The following OR5M1 variants were observed in gnomAD, a reference collection of about 807,000 sequenced individuals.
OR5M1 encodes olfactory receptor family 5 subfamily M member 1.
For synonymous variants in OR5M1, 165 were observed against 144.2 expected (o/e 1.14, Z -1.04); for missense variants, 367 against 379.5 (o/e 0.97, Z 0.27).
chr11:56,614,241 A>C (rs1272936382), intron 1 of OR5M1, among the ~76,000 whole-genome samples: 1 of 152,182 alleles, frequency 6.6e-6, no homozygotes, highest in Non-Finnish European at 1.5e-5. Flanking sequence ...CAGGGAGCAC[A>C]CATTATAATA....
Position 56,612,501 on chromosome 11 carries a change from C to CT in OR5M1, c.*53_*54insA. On this transcript the variant is annotated 3_prime_UTR_variant, in exon 2 of 2. Transcript: ENST00000641076. ...ACGACTACACTAGGTTTTTCCATTTCAAAAGCCAGTTTGTTACTCCACAAG... is the reference window on the plus strand; with the variant it reads ...ACGACTACACTAGGTTTTTCCATTTCTAAAAGCCAGTTTGTTACTCCACAAG... 1 of 1,395,116 alleles carries CT rather than the reference C, an allele frequency of 7.2e-7. No homozygotes were observed. Among genetic ancestry groups the CT allele is most frequent in the South Asian group, 1.4e-5 (1 of 70,304 alleles). 86.4% of individuals were successfully genotyped at this position (1,395,116 alleles called of 1,614,324 possible).
Position 56,612,667 on chromosome 11 carries a change from G to T in OR5M1, c.836C>A (p.Thr279Asn), listed in dbSNP as rs757731130. 2 of 1,613,654 alleles carry T rather than the reference G, an allele frequency of 1.2e-6. No homozygotes were observed. Among genetic ancestry groups the T allele is most frequent in the East Asian group, 2.2e-5 (1 of 44,880 alleles). Reference sequence around the variant, plus strand: ...TGGGTTCAGCATTGGGCTCAAAAAAGTATAAAAGACTGCAGTTATTTTGGA... The same window carrying T: ...TGGGTTCAGCATTGGGCTCAAAAAATTATAAAAGACTGCAGTTATTTTGGA... ...EESKITAVFY[T>N]FLSPMLNPLI... The change falls in exon 2 of 2, where the codon ACT becomes AAT. Residue 279 changes from threonine (T) to asparagine (N), a missense_variant. Transcript: ENST00000641076.
In OR5M1 at chr11:56,611,091, G is replaced by A. The variant is rs1051717328; in HGVS notation, c.*1464C>T. On this transcript the variant is annotated 3_prime_UTR_variant, in exon 2 of 2. Transcript: ENST00000641076. Reference sequence around the variant, plus strand: ...TAAAATAAAGAAATACCCCACCGATGAAATGATGCTGGCCCTCAAAAAGGA... The same window carrying A: ...TAAAATAAAGAAATACCCCACCGATAAAATGATGCTGGCCCTCAAAAAGGA... 1 of 151,848 alleles carries A rather than the reference G, an allele frequency of 6.6e-6. No homozygotes were observed. The highest frequency in any genetic ancestry group is 2.4e-5 in the African/African-American group (1 of 41,392). The allele number at this position is 151,848 out of a possible 1,614,324, so 9.4% of individuals were successfully genotyped here.
At chr11:56,613,814 G>C (rs1271033291) in intron 1 of OR5M1, among the ~76,000 whole-genome samples, 1 of 151,716 alleles carries the variant, frequency 6.6e-6, no homozygotes, top group Non-Finnish European at 1.5e-5. Context: ...CTGTCTTCTT[G>C]GTGTACTCCA....
Position 56,611,103 on chromosome 11 carries a change from G to C in OR5M1, c.*1452C>G, listed in dbSNP as rs1202797317. On this transcript the variant is annotated 3_prime_UTR_variant, in exon 2 of 2. Coordinates refer to ENST00000641076, the MANE Select transcript of OR5M1 (RefSeq NM_001004740.2). ...ATACCCCACCGATGAAATGATGCTG[G>C]CCCTCAAAAAGGAAGTGAGGACTCT... 1 of 150,888 alleles carries C rather than the reference G, an allele frequency of 6.6e-6. No homozygotes were observed. The highest frequency in any genetic ancestry group is 6.6e-5 in the Admixed American group (1 of 15,096). 9.3% of individuals were successfully genotyped at this position (150,888 alleles called of 1,614,324 possible). A position where few individuals can be genotyped will look rare whatever the true frequency, so the allele number is the denominator to read the frequency against.
intron 1 of OR5M1, among the ~76,000 whole-genome samples, chr11:56,613,969 T>C (rs1369349441): frequency 1.3e-5 from 2 of 152,214 alleles, no homozygotes; most frequent in African/African-American, 4.8e-5. Flanking sequence ...GCTCTGATAT[T>C]GTATTGTTTC....
chr11:56,611,268 G>A lies in OR5M1; in HGVS notation c.*1287C>T, dbSNP rs1207895012. 1.3e-5 allele frequency: 2 copies of A among 152,084 alleles called. No individual in the cohort carries two copies. The highest frequency in any genetic ancestry group is 4.8e-5 in the African/African-American group (2 of 41,420). The allele number at this position is 152,084 out of a possible 1,614,324, so 9.4% of individuals were successfully genotyped here. A position where few individuals can be genotyped will look rare whatever the true frequency, so the allele number is the denominator to read the frequency against. On this transcript the variant is annotated 3_prime_UTR_variant, in exon 2 of 2. Coordinates refer to ENST00000641076, the MANE Select transcript of OR5M1 (RefSeq NM_001004740.2). ...ATGTAATTGTTAAATTCTTGTCACC[G>A]AAATTTGCCTTCCTTCTTTTTCAGA...
rs948999528 is a variant in OR5M1 at position 56,611,524 on chromosome 11, G to T, written c.*1031C>A. 2.0e-5 allele frequency: 3 copies of T among 152,022 alleles called. No homozygotes were observed. The highest frequency in any genetic ancestry group is 7.2e-5 in the African/African-American group (3 of 41,380). 9.4% of individuals were successfully genotyped at this position (152,022 alleles called of 1,614,324 possible). A position where few individuals can be genotyped will look rare whatever the true frequency, so the allele number is the denominator to read the frequency against. On this transcript the variant is annotated 3_prime_UTR_variant, in exon 2 of 2. Coordinates refer to ENST00000641076, the MANE Select transcript of OR5M1 (RefSeq NM_001004740.2). Reference sequence around the variant, plus strand: ...AATATTAAAATGCCAAACATATGAGGCAATTTATTAGGGCTAAATACATAT... The same window carrying T: ...AATATTAAAATGCCAAACATATGAGTCAATTTATTAGGGCTAAATACATAT...
At position 56,610,352 on chromosome 11, in the gene OR5M1, A is replaced by C. The variant is rs894342923; in HGVS notation, c.*2203T>G. On this transcript the variant is annotated 3_prime_UTR_variant, in exon 2 of 2. Transcript: ENST00000641076. Reference sequence around the variant, plus strand: ...GAAATTCTCATTAGCTATTCTTAGGATACATATAACTATCACATAATAACC... The same window carrying C: ...GAAATTCTCATTAGCTATTCTTAGGCTACATATAACTATCACATAATAACC... 1 of 152,078 alleles carries C rather than the reference A, an allele frequency of 6.6e-6. No individual in the cohort carries two copies. The highest frequency in any genetic ancestry group is 1.5e-5 in the Non-Finnish European group (1 of 67,958). The allele number at this position is 152,078 out of a possible 1,614,324, so 9.4% of individuals were successfully genotyped here. A position where few individuals can be genotyped will look rare whatever the true frequency, so the allele number is the denominator to read the frequency against.
rs1437563379 is a variant in OR5M1 at position 56,611,748 on chromosome 11, C to T, written c.*807G>A. 4.6e-5 allele frequency: 7 copies of T among 152,030 alleles called. No homozygotes were observed. Among genetic ancestry groups the T allele is most frequent in the Non-Finnish European group, 8.8e-5 (6 of 68,014 alleles). 9.4% of individuals were successfully genotyped at this position (152,030 alleles called of 1,614,324 possible). A position where few individuals can be genotyped will look rare whatever the true frequency, so the allele number is the denominator to read the frequency against. ...TTCCTCCAGAAACATATATACACCC[C>T]TATTTATTTGTATACTGTTTCAAGA... On this transcript the variant is annotated 3_prime_UTR_variant, in exon 2 of 2. Transcript: ENST00000641076.
intron 1 of OR5M1, among the ~76,000 whole-genome samples, chr11:56,613,769 T>C (rs1405085597): frequency 6.6e-6 from 1 of 152,212 alleles, no homozygotes; most frequent in Non-Finnish European, 1.5e-5. Flanking sequence ...CATACATGTA[T>C]ACATACATAA....
In OR5M1 at chr11:56,609,254, G is replaced by A. The variant is rs942842980; in HGVS notation, c.*3301C>T. On this transcript the variant is annotated 3_prime_UTR_variant, in exon 2 of 2. Coordinates refer to ENST00000641076, the MANE Select transcript of OR5M1 (RefSeq NM_001004740.2). Reference sequence around the variant, plus strand: ...GCTTGTTTTTTCAATTTTAGGATGAGGAAAACTTACATAACAGCAATAAGC... The same window carrying A: ...GCTTGTTTTTTCAATTTTAGGATGAAGAAAACTTACATAACAGCAATAAGC... 3.7e-4 allele frequency: 56 copies of A among 151,814 alleles called. No homozygotes were observed. The highest frequency in any genetic ancestry group is 1.3e-3 in the African/African-American group (55 of 41,410). The allele number at this position is 151,814 out of a possible 1,614,324, so 9.4% of individuals were successfully genotyped here.
At position 56,612,467 on chromosome 11, in the gene OR5M1, A is replaced by T; in HGVS notation, c.*88T>A. 2.1e-6 allele frequency: 2 copies of T among 934,680 alleles called. No individual in the cohort carries two copies. The highest frequency in any genetic ancestry group is 3.3e-6 in the Non-Finnish European group (2 of 613,786). 57.9% of individuals were successfully genotyped at this position (934,680 alleles called of 1,614,324 possible). A position where few individuals can be genotyped will look rare whatever the true frequency, so the allele number is the denominator to read the frequency against. On this transcript the variant is annotated 3_prime_UTR_variant, in exon 2 of 2. Coordinates refer to ENST00000641076, the MANE Select transcript of OR5M1 (RefSeq NM_001004740.2). ...GTGGTTACTGACAGTCCATGATGTT[A>T]AATAAATCACGACTACACTAGGTTT...
chr11:56,610,829 A>G lies in OR5M1; in HGVS notation c.*1726T>C, dbSNP rs1853666901. On this transcript the variant is annotated 3_prime_UTR_variant, in exon 2 of 2. Transcript: ENST00000641076. ...ATTTTATTAAAAATCAATTAGAAAC[A>G]GGTCAGTCATTTTGACTAAAAGGAT... The G allele has an allele frequency of 6.6e-6, 1 of 152,176 alleles. No homozygotes were observed. Among genetic ancestry groups the G allele is most frequent in the Non-Finnish European group, 1.5e-5 (1 of 68,028 alleles). The allele number at this position is 152,176 out of a possible 1,614,324, so 9.4% of individuals were successfully genotyped here. A position where few individuals can be genotyped will look rare whatever the true frequency, so the allele number is the denominator to read the frequency against.
At chr11:56,613,557 T>C (rs774037697) in intron 1 of OR5M1, 38 bp from the exon 2 acceptor site, 7 of 1,517,492 alleles carry the variant, frequency 4.6e-6, no homozygotes, top group East Asian at 4.5e-5. Context: ...TCTCTCTGAT[T>C]CAGATTTGGC....
In OR5M1 at chr11:56,612,354, C is replaced by T. The variant is rs1853689123; in HGVS notation, c.*201G>A. 5.4e-6 allele frequency: 2 copies of T among 370,178 alleles called. No individual in the cohort carries two copies. Among genetic ancestry groups the T allele is most frequent in the Non-Finnish European group, 9.6e-6 (2 of 207,330 alleles). 22.9% of individuals were successfully genotyped at this position (370,178 alleles called of 1,614,324 possible). A position where few individuals can be genotyped will look rare whatever the true frequency, so the allele number is the denominator to read the frequency against. ...AAATTTATTTTCATAGAATTTCTGA[C>T]AAATAAAACATTTTAAATTTCTCAA... On this transcript the variant is annotated 3_prime_UTR_variant, in exon 2 of 2. Coordinates refer to ENST00000641076, the MANE Select transcript of OR5M1 (RefSeq NM_001004740.2).
chr11:56,613,132 A>G lies in OR5M1; in HGVS notation c.371T>C (p.Val124Ala), dbSNP rs186151755. The change falls in exon 2 of 2, where the codon GTA becomes GCA. Residue 124 changes from valine to alanine, a missense_variant. Val to Ala is a moderately conservative substitution (Grantham distance 64). Coordinates refer to ENST00000641076, the MANE Select transcript of OR5M1 (RefSeq NM_001004740.2). The part of the protein sequence containing the change: ...ILASMALDRY[V>A]AICSPLHYSS... ...GTAATGCAAAGGGCTGCAAATGGCTACATAGCGATCCAATGCCATTGAAGC... is the reference window on the plus strand; with the variant it reads ...GTAATGCAAAGGGCTGCAAATGGCTGCATAGCGATCCAATGCCATTGAAGC... 1.2e-6 allele frequency: 2 copies of G among 1,613,870 alleles called. No individual in the cohort carries two copies. Among genetic ancestry groups the G allele is most frequent in the East Asian group, 2.2e-5 (1 of 44,880 alleles).
At position 56,612,721 on chromosome 11, in the gene OR5M1, C is replaced by A; in HGVS notation, c.782G>T (p.Arg261Met). The change falls in exon 2 of 2, where the codon AGG (arginine) becomes ATG (methionine). Residue 261 changes from arginine to methionine, a missense_variant. Coordinates refer to ENST00000641076, the MANE Select transcript of OR5M1 (RefSeq NM_001004740.2). ...FYGTLFCMYV[R>M]PPSEKSVEES... ...CTCTACAGACTTCTCTGATGGAGGCCTTACGTACATGCAGAAGAGGGTTCC... is the reference window on the plus strand; with the variant it reads ...CTCTACAGACTTCTCTGATGGAGGCATTACGTACATGCAGAAGAGGGTTCC... 2 of 1,613,800 alleles carry A rather than the reference C, an allele frequency of 1.2e-6. No individual in the cohort carries two copies. The highest frequency in any genetic ancestry group is 1.7e-6 in the Non-Finnish European group (2 of 1,179,780).
rs763750512 is a variant in OR5M1 at position 56,612,187 on chromosome 11, G to T, written c.*368C>A. ...AGTGTAAAATTATCCACCCTATCTT[G>T]AACCTCATTATGGCTCTGTGGACCA... On this transcript the variant is annotated 3_prime_UTR_variant, in exon 2 of 2. Coordinates refer to ENST00000641076, the MANE Select transcript of OR5M1 (RefSeq NM_001004740.2). 3 of 158,908 alleles carry T rather than the reference G, an allele frequency of 1.9e-5. No homozygotes were observed. 9.8% of individuals were successfully genotyped at this position (158,908 alleles called of 1,614,324 possible).
Sources: gnomAD v4.1 joint callset for allele counts (sites outside exome capture counted in the v4.1 genomes callset) on GRCh38, gnomAD v4.1.1 for gene constraint, MANE v1.5 for transcripts, NCBI Gene and HGNC (gene_info 2026-07-23, HGNC 2026-07-21) for gene names.